The following ADCY6 variants were observed in gnomAD, a reference collection of about 807,000 sequenced individuals.
The protein encoded by ADCY6 is adenylate cyclase 6.
ADCY6 carries 59 observed loss-of-function variants against 111.6 expected under a neutral mutation model. The ratio of observed to expected loss-of-function variants is 0.53; its 90% CI spans 0.43 to 0.66. ADCY6 has a LOEUF of 0.66. Ranked by LOEUF, ADCY6 falls within the 30% of genes least tolerant of loss-of-function variation. ADCY6 has a pLI of 0.00. For missense variants in ADCY6, 1,242 were observed against 1,595.6 expected (o/e 0.78, Z 3.78); for synonymous variants, 576 against 642.9 (o/e 0.90, Z 1.57).
At chr12:48,783,690 CCCAG>C in intron 1 of ADCY6, 1 of 757,708 alleles carries the variant, frequency 1.3e-6, no homozygotes. Flanking sequence ...CACCTGTAAT[CCCAG>C]CACTTTGTGA....
intron 2 of ADCY6, among the ~76,000 whole-genome samples, chr12:48,781,999 C>G (rs898294683): frequency 2.0e-5 from 3 of 152,210 alleles, no homozygotes; most frequent in Non-Finnish European, 4.4e-5. Context: ...CTGACCCCAG[C>G]TCTTCACCTT....
Position 48,774,076 on chromosome 12 carries a change from A to G in ADCY6, c.2306T>C (p.Ile769Thr). Residue 769 changes from isoleucine to threonine, a missense_variant, in exon 15 of 22, where the codon ATA becomes ACA. By Grantham distance (89) the Ile-to-Thr change is moderately conservative. Around this residue, in one of 4 missense-constraint regions of ADCY6, gnomAD observed 375 missense variants for 432.5 expected, o/e 0.87. Coordinates refer to ENST00000357869, the MANE Select transcript of ADCY6 (RefSeq NM_015270.5). ...ANMFTCNHTPIRSCAARMLNL... is the reference protein window; with the variant it reads ...ANMFTCNHTPTRSCAARMLNL... Reference sequence around the variant, plus strand: ...CAGCATCCGGGCTGCACAGCTCCGTATGGGGGTGTGGTTACAGGTGAACTG... The same window carrying G: ...CAGCATCCGGGCTGCACAGCTCCGTGTGGGGGTGTGGTTACAGGTGAACTG... 1 of 1,610,640 alleles carries G rather than the reference A, an allele frequency of 6.2e-7. No individual in the cohort carries two copies. The highest frequency in any genetic ancestry group is 8.5e-7 in the Non-Finnish European group (1 of 1,178,270).
In ADCY6 at chr12:48,768,507, C is replaced by G; in HGVS notation, c.*84G>C. ...TAGCAGGGTCTGGAGGCTCAGTGCCCCCTGCCACAGCTCCACCCAGTGAGC... is the reference window on the plus strand; with the variant it reads ...TAGCAGGGTCTGGAGGCTCAGTGCCGCCTGCCACAGCTCCACCCAGTGAGC... On this transcript the variant is annotated 3_prime_UTR_variant, in exon 22 of 22. Coordinates refer to ENST00000357869, the MANE Select transcript of ADCY6 (RefSeq NM_015270.5). 6.2e-7 allele frequency: 1 copy of G among 1,601,312 alleles called. No individual in the cohort carries two copies. Among genetic ancestry groups the G allele is most frequent in the Non-Finnish European group, 8.6e-7 (1 of 1,169,532 alleles).
At position 48,768,559 on chromosome 12, in the gene ADCY6, G is replaced by T; in HGVS notation, c.*32C>A. 1.2e-6 allele frequency: 2 copies of T among 1,614,058 alleles called. No individual in the cohort carries two copies. Among genetic ancestry groups the T allele is most frequent in the Non-Finnish European group, 8.5e-7 (1 of 1,179,986 alleles). On this transcript the variant is annotated 3_prime_UTR_variant, in exon 22 of 22. Transcript: ENST00000357869. ...CAGAGTCCACTCAATGCCCACCTTG[G>T]TCCCTTCAGCTGAATTTGTGGCTGG...
At chr12:48,775,237 T>C (rs1443400132) in intron 11 of ADCY6, 66 bp downstream of exon 11, 1 of 1,602,742 alleles carries the variant, frequency 6.2e-7, no homozygotes, top group Non-Finnish European at 8.5e-7. Context: ...TCACCTGTGC[T>C]CAGCCTTCCC....
Position 48,782,963 on chromosome 12 carries a change from C to T in ADCY6, c.472G>A (p.Val158Met). 1 of 1,613,588 alleles carries T rather than the reference C, an allele frequency of 6.2e-7. No homozygotes were observed. Among genetic ancestry groups the T allele is most frequent in the Non-Finnish European group, 8.5e-7 (1 of 1,179,908 alleles). ...NQSSLTLLMA[V>M]LVLLTAVLLA... Reference sequence around the variant, plus strand: ...AGCACCGCTGTGAGCAGCACCAGCACCGCCATCAGCAGCGTCAGGCTGCTC... The same window carrying T: ...AGCACCGCTGTGAGCAGCACCAGCATCGCCATCAGCAGCGTCAGGCTGCTC... Residue 158 changes from valine (V) to methionine (M), a missense_variant, in exon 2 of 22, where the codon GTG becomes ATG. This residue lies in a region of ADCY6 where 362 missense variants were observed against 377.2 expected (regional missense o/e 0.96). Coordinates refer to ENST00000357869, the MANE Select transcript of ADCY6 (RefSeq NM_015270.5). The surrounding 1 kb of genome is among the most constrained non-coding windows in gnomAD (Gnocchi z 4.3).
At chr12:48,769,986 C>T (rs1941488501) in intron 20 of ADCY6, among the ~76,000 whole-genome samples, 1 of 151,828 alleles carries the variant, frequency 6.6e-6, no homozygotes. Context: ...TGGTCTTGAT[C>T]TCTTGACCTC....
Position 48,777,743 on chromosome 12 carries a change from C to T in ADCY6, c.1015-7G>A, listed in dbSNP as rs1216356786. 6.2e-7 allele frequency: 1 copy of T among 1,613,938 alleles called. No homozygotes were observed. Among genetic ancestry groups the T allele is most frequent in the South Asian group, 1.1e-5 (1 of 91,070 alleles). On this transcript the variant is annotated splice_region_variant and splice_polypyrimidine_tract_variant and intron_variant, in intron 3 of 21. Transcript: ENST00000357869. This position sits in a 1 kb window ranked among gnomAD's most constrained non-coding sequence, Gnocchi z 4.9. ...CCGACAGCAGCAGCCGCTCCTAGCC[C>T]AGTGGTTCCAATAGGGCATCACTAT...
rs774851711 is a variant in ADCY6, at chr12:48,770,759, C to G, written c.3256+7G>C. On this transcript the variant is annotated splice_region_variant and intron_variant, in intron 20 of 21. Coordinates refer to ENST00000357869, the MANE Select transcript of ADCY6 (RefSeq NM_015270.5). ...GGAAAACCCGCCAAGCAACAAAGCC[C>G]TCTTACCAATCTTCATCTGGAAATT... 2.5e-6 allele frequency: 4 copies of G among 1,613,518 alleles called. No homozygotes were observed. Among genetic ancestry groups the G allele is most frequent in the Non-Finnish European group, 3.4e-6 (4 of 1,179,716 alleles).
chr12:48,773,657 T>C lies in ADCY6; in HGVS notation c.2443-10A>G, dbSNP rs1941611368. 1.2e-6 allele frequency: 2 copies of C among 1,613,780 alleles called. No individual in the cohort carries two copies. The highest frequency in any genetic ancestry group is 1.7e-5 in the Admixed American group (1 of 60,010). On this transcript the variant is annotated splice_polypyrimidine_tract_variant and intron_variant, in intron 15 of 21. Transcript: ENST00000357869. Reference sequence around the variant, plus strand: ...TGTTCCCGATGAAGTACTGCGGGGGTGGCAGAGGCAGCGTTGGGTGAAGGC... The same window carrying C: ...TGTTCCCGATGAAGTACTGCGGGGGCGGCAGAGGCAGCGTTGGGTGAAGGC...
rs1475483869 is a variant in ADCY6 at position 48,782,823 on chromosome 12, G to A, written c.612C>T (p.Arg204=). The A allele has an allele frequency of 1.2e-6, 2 of 1,614,082 alleles. No individual in the cohort carries two copies. The highest frequency in any genetic ancestry group is 3.3e-5 in the Admixed American group (2 of 60,028). ...LMVVCNRHSF[R]QDSMWVVSYV... is the part of the protein sequence containing the mutation. ...AGCTCACCACCCACATGGAGTCCTG[G>A]CGGAAGCTATGCCGGTTACACACCA... The change falls in exon 2 of 22, where the codon CGC becomes CGT. Residue 204 remains arginine, a synonymous_variant. Coordinates refer to ENST00000357869, the MANE Select transcript of ADCY6 (RefSeq NM_015270.5). The surrounding 1 kb of genome is among the most constrained non-coding windows in gnomAD (Gnocchi z 4.3).
rs1941380609 is a variant in ADCY6, at chr12:48,766,428, C to A, written c.*2163G>T. 2 of 152,630 alleles carry A rather than the reference C, an allele frequency of 1.3e-5. No individual in the cohort carries two copies. Among genetic ancestry groups the A allele is most frequent in the Admixed American group, 1.3e-4 (2 of 15,246 alleles). 9.5% of individuals were successfully genotyped at this position (152,630 alleles called of 1,614,324 possible). On this transcript the variant is annotated 3_prime_UTR_variant, in exon 22 of 22. Transcript: ENST00000357869. ...TCCAGGGTGTGGACAGGCCCTCCCA[C>A]CTGGCAAGAAGCAGAGACAAGCCAC...
Position 48,789,046 on chromosome 12 carries a change from C to CGT in ADCY6, c.-146_-145insAC, listed in dbSNP as rs1942037214. The CGT allele has an allele frequency of 6.6e-6, 1 of 150,520 alleles. No homozygotes were observed. The highest frequency in any genetic ancestry group is 2.4e-5 in the African/African-American group (1 of 41,064). The allele number at this position is 150,520 out of a possible 1,614,324, so 9.3% of individuals were successfully genotyped here. ...CCGCCGTCCGCCGTCCGCCGTCCGC[C>CGT]CGGCCCTCGCCCCCTCCCGAGCTGT... On this transcript the variant is annotated 5_prime_UTR_variant, in exon 1 of 22. Transcript: ENST00000357869.
At chr12:48,773,795 C>G in intron 15 of ADCY6, 145 bp downstream of exon 15, 1 of 1,440,610 alleles carries the variant, frequency 6.9e-7, no homozygotes, top group South Asian at 1.2e-5. Context: ...CCAGCCCCTA[C>G]AACACACCAG....
intron 1 of ADCY6, among the ~76,000 whole-genome samples, chr12:48,784,682 T>C (rs1279184137): frequency 7.0e-6 from 1 of 142,938 alleles, no homozygotes; most frequent in African/African-American, 2.6e-5. Flanking sequence ...TTTTTTTTTT[T>C]TTTTTTTTGA....
chr12:48,773,376 G>A (rs1941602596), intron 16 of ADCY6, 93 bp downstream of exon 16: 3 of 1,412,698 alleles, frequency 2.1e-6, no homozygotes, highest in Admixed American at 4.1e-5. Context: ...GGCATTCCAA[G>A]GCACAAGGGG....
At chr12:48,788,725 C>T (rs1942028302) in intron 1 of ADCY6, among the ~76,000 whole-genome samples, 181 bp downstream of exon 1, 2 of 152,114 alleles carry the variant, frequency 1.3e-5, no homozygotes, top group Non-Finnish European at 2.9e-5. Context: ...TCCTCGATCC[C>T]ACTGCCTCCA....
intron 21 of ADCY6, 77 bp downstream of exon 21, chr12:48,768,860 C>T: frequency 6.4e-7 from 1 of 1,557,158 alleles, no homozygotes; most frequent in South Asian, 1.2e-5. Context: ...CTACCCCTGT[C>T]CTAGCAGACT....
In ADCY6 at chr12:48,766,666, G is replaced by A. The variant is rs903138388; in HGVS notation, c.*1925C>T. ...TGGTTGATGCATGAAGATGCCCAAG[G>A]GAGGCATTACCCAGAAACCAGGCCT... On this transcript the variant is annotated 3_prime_UTR_variant, in exon 22 of 22. Coordinates refer to ENST00000357869, the MANE Select transcript of ADCY6 (RefSeq NM_015270.5). 1 of 152,648 alleles carries A rather than the reference G, an allele frequency of 6.6e-6. No individual in the cohort carries two copies. The highest frequency in any genetic ancestry group is 2.4e-5 in the African/African-American group (1 of 41,428). The allele number at this position is 152,648 out of a possible 1,614,324, so 9.5% of individuals were successfully genotyped here.
Sources: gnomAD v4.1 joint callset for allele counts (sites outside exome capture counted in the v4.1 genomes callset) on GRCh38, gnomAD v4.1.1 for gene constraint, gnomAD v4.1.1 regional missense constraint, Gnocchi (gnomAD v3.1) non-coding constraint, MANE v1.5 for transcripts, NCBI Gene and HGNC (gene_info 2026-07-23, HGNC 2026-07-21) for gene names.